SCARB2: variants seen among roughly 807,000 people sequenced by gnomAD.
SCARB2 encodes scavenger receptor class B member 2.
SCARB2 carries 29 observed loss-of-function variants against 58.6 expected under a neutral mutation model. That is an observed-to-expected ratio of 0.49 (90% CI 0.37 to 0.67). The LOEUF (loss-of-function observed/expected upper bound fraction) is 0.67. Ranked by LOEUF, SCARB2 falls within the 30% of genes least tolerant of loss-of-function variation. The pLI, the probability that SCARB2 is intolerant of heterozygous loss-of-function variation, is 0.00. For missense variants in SCARB2, 488 were observed against 578.5 expected, an observed-to-expected ratio of 0.84 and a Z score of 1.60; for synonymous variants, 195 against 210.1, an observed-to-expected ratio of 0.93 and a Z score of 0.62.
chr4:76,170,540 T>TTTTTGTTTTG (rs559779307), intron 7 of SCARB2, among the ~76,000 whole-genome samples: 8 of 151,968 alleles, frequency 5.3e-5, no homozygotes, highest in Admixed American at 5.2e-4. Context: ...TTTTGGTGGT[T>TTTTTGTTTTG]TTTTGTTTTG....
rs1336262561 is a variant in SCARB2, at chr4:76,190,287, G to A, written c.275+5420C>T. On this transcript the variant is annotated intron_variant, in intron 2 of 11. Coordinates refer to ENST00000264896, the MANE Select transcript of SCARB2 (RefSeq NM_005506.4). Reference sequence around the variant, plus strand: ...AACCCCCCAAAATGCTGGGATTATAGGTGTGAGCCACCGTGCCCAGTCTAC... The same window carrying A: ...AACCCCCCAAAATGCTGGGATTATAAGTGTGAGCCACCGTGCCCAGTCTAC... Among the ~76,000 whole-genome samples, 3 of 152,206 alleles carry A rather than the reference G, an allele frequency of 2.0e-5. No homozygotes were observed. In the East Asian group the frequency reaches 5.8e-4, roughly 30 times the overall value.
At chr4:76,179,745 CA>C in intron 3 of SCARB2, 40 bp from the exon 4 acceptor site, 1 of 1,477,172 alleles carries the variant, frequency 6.8e-7, no homozygotes, top group Admixed American at 1.7e-5. Flanking sequence ...GCATCCCCTC[CA>C]AAGCACCTCC....
intron 1 of SCARB2, chr4:76,212,978 A>C (rs994444279): frequency 3.8e-6 from 1 of 264,198 alleles, no homozygotes; most frequent in Non-Finnish European, 7.6e-6. Context: ...CAAGAACACA[A>C]TAGACCGCAC....
chr4:76,229,121 G>T (rs994808974), intron 1 of SCARB2, among the ~76,000 whole-genome samples: 1 of 151,966 alleles, frequency 6.6e-6, no homozygotes, highest in African/African-American at 2.4e-5. Context: ...TTGTTCTATT[G>T]TTGACTTTAT....
At chr4:76,210,052 G>C (rs1365387056) in intron 1 of SCARB2, among the ~76,000 whole-genome samples, 1 of 152,202 alleles carries the variant, frequency 6.6e-6, no homozygotes, top group Non-Finnish European at 1.5e-5. Flanking sequence ...TTGGAGCTAA[G>C]AGGAACCATA....
chr4:76,195,618 G>A (rs1211562264), intron 2 of SCARB2, 89 bp downstream of exon 2: 1 of 1,135,484 alleles, frequency 8.8e-7, no homozygotes, highest in Non-Finnish European at 1.3e-6. Context: ...ACACAGCCCT[G>A]GAGCCTTGCT....
At chr4:76,224,777 TG>T (rs1158826667) in intron 1 of SCARB2, among the ~76,000 whole-genome samples, 1 of 152,080 alleles carries the variant, frequency 6.6e-6, no homozygotes, top group African/African-American at 2.4e-5. Flanking sequence ...CAGAAGTTTT[TG>T]GGGAACAGGT....
rs1033220851 is a variant in SCARB2, at chr4:76,202,326, G to T, written c.118-6462C>A. Among the ~76,000 whole-genome samples the T allele has an allele frequency of 2.0e-5, 3 of 152,058 alleles. No homozygotes were observed. In the East Asian group the frequency reaches 5.8e-4, roughly 29 times the overall value. On this transcript the variant is annotated intron_variant, in intron 1 of 11. Coordinates refer to ENST00000264896, the MANE Select transcript of SCARB2 (RefSeq NM_005506.4). Reference sequence around the variant, plus strand: ...TGCCCAGGCTGGAGTGCAGTGGCATGACTCGGCTCACCACAACCTCCGCCT... The same window carrying T: ...TGCCCAGGCTGGAGTGCAGTGGCATTACTCGGCTCACCACAACCTCCGCCT...
At chr4:76,200,954 G>C (rs28370991) in intron 1 of SCARB2, among the ~76,000 whole-genome samples, 8,149 of 152,122 alleles carry the variant, frequency 0.054, 651 homozygotes, top group African/African-American at 0.18. Flanking sequence ...TCCATCTCAG[G>C]CTTCAGAGAA....
chr4:76,161,794 G>A lies in SCARB2; in HGVS notation c.1399-43C>T, dbSNP rs144109545. The A allele has an allele frequency of 2.5e-4, 403 of 1,607,804 alleles. 1 individual carries two copies. The East Asian group carries it at 5.8e-3, about 23-fold the overall frequency. ...GAAAACAAGTTAGATGTTCATGTCA[G>A]AAACTTCTCCCCAGTGTGAAAAGTT... On this transcript the variant is annotated intron_variant, in intron 11 of 11. Coordinates refer to ENST00000264896, the MANE Select transcript of SCARB2 (RefSeq NM_005506.4).
At chr4:76,207,597 TC>T (rs1197157035) in intron 1 of SCARB2, among the ~76,000 whole-genome samples, 1 of 152,254 alleles carries the variant, frequency 6.6e-6, no homozygotes, top group African/African-American at 2.4e-5. Flanking sequence ...GGTTGTTTTT[TC>T]CAGTTACCAG....
chr4:76,217,624 C>T (rs761503157), upstream of SCARB2: 12 of 643,086 alleles, frequency 1.9e-5, no homozygotes, highest in South Asian at 2.0e-4. Flanking sequence ...ATGTCTGTGC[C>T]GTGCGTCTTG....
chr4:76,227,841 T>G (rs1733424796), intron 1 of SCARB2, among the ~76,000 whole-genome samples: 1 of 152,214 alleles, frequency 6.6e-6, no homozygotes, highest in South Asian at 2.1e-4. Flanking sequence ...GATATAAGAA[T>G]AGCTATTCCT....
chr4:76,180,053 T>G, intron 3 of SCARB2: 2 of 335,678 alleles, frequency 6.0e-6, no homozygotes, highest in South Asian at 5.3e-5. Flanking sequence ...AGAGGCTCAT[T>G]ATAAACCCGA....
chr4:76,201,163 G>A (rs2109964928), intron 1 of SCARB2, among the ~76,000 whole-genome samples: 1 of 152,154 alleles, frequency 6.6e-6, no homozygotes. Flanking sequence ...CAGTGCCTTG[G>A]CCTGAGTCAC....
At chr4:76,233,643 C>T (rs1733531376) in intron 1 of SCARB2, among the ~76,000 whole-genome samples, 1 of 151,852 alleles carries the variant, frequency 6.6e-6, no homozygotes. Flanking sequence ...CATATAACAG[C>T]CAGGCAGGAG....
In SCARB2 at chr4:76,181,078, A is replaced by G. The variant is rs2109948743; in HGVS notation, c.299T>C (p.Ile100Thr). The G allele has an allele frequency of 2.5e-6, 4 of 1,613,776 alleles. No individual in the cohort carries two copies. Among genetic ancestry groups the G allele is most frequent in the East Asian group, 2.2e-5 (1 of 44,798 alleles). ...TGTTGTTCCATTATCTCCAAATTGA[A>G]TATTTGCTTTGTTTCTGAGTTCCCT... The part of the protein sequence containing the change: ...TYRELRNKAN[I>T]QFGDNGTTIS... Residue 100 changes from isoleucine to threonine, a missense_variant, in exon 3 of 12, where the codon ATT becomes ACT. Ile to Thr is a moderately conservative substitution (Grantham distance 89). Coordinates refer to ENST00000264896, the MANE Select transcript of SCARB2 (RefSeq NM_005506.4).
intron 8 of SCARB2, among the ~76,000 whole-genome samples, chr4:76,168,943 G>A (rs1732069770): frequency 6.6e-6 from 1 of 152,200 alleles, no homozygotes; most frequent in Admixed American, 6.5e-5. Context: ...CGTAGCCATG[G>A]GGCACAGCTG....
chr4:76,224,676 G>C (rs1252229021), intron 1 of SCARB2, among the ~76,000 whole-genome samples: 1 of 152,078 alleles, frequency 6.6e-6, no homozygotes, highest in Admixed American at 6.6e-5. Context: ...AATTCTCCCA[G>C]GTCAGTCTTC....
Sources: gnomAD v4.1 joint callset for allele counts (sites outside exome capture counted in the v4.1 genomes callset) on GRCh38, gnomAD v4.1.1 for gene constraint, MANE v1.5 for transcripts, NCBI Gene and HGNC (gene_info 2026-07-23, HGNC 2026-07-21) for gene names.